SLC35F4: variants seen among roughly 807,000 people sequenced by gnomAD.
SLC35F4 encodes the protein solute carrier family 35 member F4.
In SLC35F4, 24 loss-of-function variants were observed where a neutral mutation model predicts 44.2. The observed-to-expected ratio is 0.54, with a 90% CI of 0.39 to 0.76. The LOEUF is 0.76. Ranked by LOEUF, SLC35F4 falls within the 30% of genes least tolerant of loss-of-function variation. The pLI, the probability that SLC35F4 is intolerant of heterozygous loss-of-function variation, is 0.00. For synonymous variants in SLC35F4, 238 were observed against 223.6 expected (o/e 1.06, Z -0.57); for missense variants, 562 against 586.1 (o/e 0.96, Z 0.42).
intron 1 of SLC35F4, among the ~76,000 whole-genome samples, chr14:57,959,701 C>A (rs558828796): frequency 1.7e-4 from 26 of 152,222 alleles, no homozygotes; most frequent in South Asian, 2.1e-4. Context: ...TTCCATTGAG[C>A]CCCATTTTCT....
downstream of SLC35F4, among the ~76,000 whole-genome samples, chr14:57,975,682 AT>A (rs753016381): frequency 1.9e-4 from 29 of 152,366 alleles, no homozygotes; most frequent in Non-Finnish European, 3.7e-4. Flanking sequence ...CCCAGAAAAC[AT>A]TCTCTTCATT....
At chr14:57,754,173 G>A (rs144711191) in intron 1 of SLC35F4, among the ~76,000 whole-genome samples, 6 of 142,818 alleles carry the variant, frequency 4.2e-5, no homozygotes, top group Non-Finnish European at 7.5e-5. Flanking sequence ...GCGTGATCTC[G>A]GCTCGCTGCA....
Position 57,777,421 on chromosome 14 carries a change from T to C in SLC35F4, c.103+88302A>G, listed in dbSNP as rs374038294. 3.9e-5 allele frequency among the ~76,000 whole-genome samples: 6 copies of C among 152,308 alleles called. No homozygotes were observed. In the South Asian group the frequency reaches 1.0e-3, roughly 26 times the overall value. On this transcript the variant is annotated intron_variant, in intron 1 of 7. Coordinates refer to ENST00000556826, the MANE Select transcript of SLC35F4 (RefSeq NM_001306087.2). ...GACTGGATTAAGAAAATGTGGCACA[T>C]ATACACCATGGAATACTATGCAGTC... is the stretch of plus-strand genomic sequence containing the variant.
At chr14:57,564,598 G>C (rs573669477) in intron 7 of SLC35F4, among the ~76,000 whole-genome samples, 6 of 152,100 alleles carry the variant, frequency 3.9e-5, no homozygotes, top group Non-Finnish European at 7.3e-5. Context: ...ATCTGACTTA[G>C]TTATCTCCCC....
chr14:57,817,054 G>A (rs772448759), intron 1 of SLC35F4, among the ~76,000 whole-genome samples: 1 of 152,116 alleles, frequency 6.6e-6, no homozygotes, highest in Non-Finnish European at 1.5e-5. Context: ...TGGGACTCTG[G>A]AACTAGTGAC....
Position 57,937,595 on chromosome 14 carries a change from GAAAAGAAAAGAAAAGA to G in SLC35F4, n.282+44302_282+44317del, listed in dbSNP as rs1190408178. Among the ~76,000 whole-genome samples the G allele has an allele frequency of 1.3e-4, 8 of 59,314 alleles. 1 individual carries two copies. Among genetic ancestry groups the G allele is most frequent in the African/African-American group, 1.0e-3 (8 of 7,846 alleles). The allele number at this position is 59,314 out of a possible 152,430, so 38.9% of individuals were successfully genotyped here. ...AAAAGAGAAAAGAAAAGAAAGAAAA[GAAAAGAAAAGAAAAGA>G]AAAGAAAAGAAAAGAAAAGAAAAGA... On this transcript the variant is annotated intron_variant and non_coding_transcript_variant, in intron 1 of 1. Transcript: ENST00000556568.
intron 1 of SLC35F4, among the ~76,000 whole-genome samples, chr14:57,946,731 C>T (rs71414179): frequency 0.14 from 20,555 of 152,002 alleles, 1,679 homozygotes; most frequent in East Asian, 0.25. Context: ...CTGCCTTGGC[C>T]TCTCACAGTG....
chr14:57,602,986 T>TA (rs2070920140), intron 1 of SLC35F4, among the ~76,000 whole-genome samples: 1 of 152,192 alleles, frequency 6.6e-6, no homozygotes, highest in South Asian at 2.1e-4. Flanking sequence ...AGCTACCTCT[T>TA]ACCTTGTCCA....
intron 1 of SLC35F4, among the ~76,000 whole-genome samples, chr14:57,772,427 T>C (rs958807885): frequency 6.6e-6 from 1 of 152,180 alleles, no homozygotes; most frequent in Non-Finnish European, 1.5e-5. Context: ...GTTATATGGG[T>C]ATATTGCATA....
chr14:57,834,742 G>A (rs1399541132), intron 1 of SLC35F4, among the ~76,000 whole-genome samples: 6 of 152,148 alleles, frequency 3.9e-5, no homozygotes, highest in Non-Finnish European at 7.4e-5. Context: ...AAAATAGGCC[G>A]GGCACAGTGG....
intron 1 of SLC35F4, among the ~76,000 whole-genome samples, chr14:57,812,066 C>A (rs1019879653): frequency 6.6e-6 from 1 of 152,170 alleles, no homozygotes; most frequent in Admixed American, 6.5e-5. Flanking sequence ...AGAAAAATGT[C>A]TTGCTATTGC....
Position 57,925,519 on chromosome 14 carries a change from G to GAGGGAGGAAGGAAGGAAGGAAGGA in SLC35F4, n.282+56393_282+56394insTCCTTCCTTCCTTCCTTCCTCCCT, listed in dbSNP as rs1566931001. Among the ~76,000 whole-genome samples, 15 of 65,266 alleles carry GAGGGAGGAAGGAAGGAAGGAAGGA rather than the reference G, an allele frequency of 2.3e-4. 2 individuals are homozygous for GAGGGAGGAAGGAAGGAAGGAAGGA. Among genetic ancestry groups the GAGGGAGGAAGGAAGGAAGGAAGGA allele is most frequent in the African/African-American group, 7.0e-4 (15 of 21,534 alleles). The allele number at this position is 65,266 out of a possible 152,430, so 42.8% of individuals were successfully genotyped here. ...GAAGGGAGGGAGGGAGGGAGGGAGG[G>GAGGGAGGAAGGAAGGAAGGAAGGA]AGGGAGGGAGGGAGGGAGGGAGGGA... On this transcript the variant is annotated intron_variant and non_coding_transcript_variant, in intron 1 of 1. Coordinates refer to the SLC35F4 transcript ENST00000556568.
chr14:57,648,186 A>G (rs78779492), intron 1 of SLC35F4, among the ~76,000 whole-genome samples: 7,185 of 152,262 alleles, frequency 0.047, 424 homozygotes, highest in African/African-American at 0.13. Flanking sequence ...ATCATAGAGC[A>G]TTATTTGAAG....
intron 1 of SLC35F4, among the ~76,000 whole-genome samples, chr14:57,959,815 A>T (rs185084397): frequency 1.3e-5 from 2 of 152,306 alleles, no homozygotes; most frequent in African/African-American, 4.8e-5. Context: ...AACCCCGTAA[A>T]TGTCAGTTAC....
chr14:57,947,345 G>A (rs1594645201), intron 1 of SLC35F4, among the ~76,000 whole-genome samples: 2 of 151,512 alleles, frequency 1.3e-5, no homozygotes, highest in South Asian at 4.2e-4. Context: ...CACTGTTAGT[G>A]TATAGCAGTG....
At chr14:57,656,877 C>A (rs7143876) in intron 1 of SLC35F4, among the ~76,000 whole-genome samples, 306 of 152,302 alleles carry the variant, frequency 2.0e-3, no homozygotes, top group African/African-American at 7.1e-3. Flanking sequence ...CTGTGATATT[C>A]TGAGTGTAAA....
At chr14:57,820,832 C>A (rs1287671134) in intron 1 of SLC35F4, among the ~76,000 whole-genome samples, 1 of 152,096 alleles carries the variant, frequency 6.6e-6, no homozygotes, top group Non-Finnish European at 1.5e-5. Context: ...AATAAGAATA[C>A]CTGGCAAAGA....
chr14:57,669,560 A>G (rs1171553142), intron 1 of SLC35F4, among the ~76,000 whole-genome samples: 4 of 152,082 alleles, frequency 2.6e-5, no homozygotes, highest in African/African-American at 4.8e-5. Context: ...AATTTTGTCA[A>G]AGGCCTTTTC....
At chr14:57,880,442 C>A (rs897014611) in intron 1 of SLC35F4, among the ~76,000 whole-genome samples, 27 of 152,194 alleles carry the variant, frequency 1.8e-4, no homozygotes, top group African/African-American at 4.8e-4. Context: ...CAGGAAAATT[C>A]CCATCCTCAT....
Sources: gnomAD v4.1 joint callset for allele counts (sites outside exome capture counted in the v4.1 genomes callset) on GRCh38, gnomAD v4.1.1 for gene constraint, MANE v1.5 for transcripts, NCBI Gene and HGNC (gene_info 2026-07-23, HGNC 2026-07-21) for gene names.